Variants in GABRB1 observed in about 807,000 individuals in gnomAD.
GABRB1 encodes gamma-aminobutyric acid receptor subunit beta-1.
A neutral mutation model predicts 51.6 loss-of-function variants in GABRB1; 17 were observed. The observed-to-expected ratio is 0.33, with a 90% CI of 0.23 to 0.49. GABRB1 has a LOEUF of 0.49. Ranked by LOEUF, GABRB1 falls within the 20% of genes least tolerant of loss-of-function variation. The pLI, the probability that GABRB1 is intolerant of heterozygous loss-of-function variation, is 0.99. For missense variants in GABRB1, 410 were observed against 600.6 expected, an observed-to-expected ratio of 0.68 and a Z score of 3.32; for synonymous variants, 247 against 218.9, an observed-to-expected ratio of 1.13 and a Z score of -1.14.
intron 3 of GABRB1, among the ~76,000 whole-genome samples, chr4:47,040,278 T>C (rs1187076449): frequency 6.6e-6 from 1 of 152,152 alleles, no homozygotes; most frequent in Non-Finnish European, 1.5e-5. Context: ...CTTGCAGCTA[T>C]GTGGAGGATG....
chr4:47,309,578 A>G (rs756301882), intron 4 of GABRB1, among the ~76,000 whole-genome samples: 3 of 152,116 alleles, frequency 2.0e-5, no homozygotes, highest in Non-Finnish European at 4.4e-5. Context: ...AGAACATTTA[A>G]TGATATCTCC....
At chr4:47,024,933 C>CATATATATATATATATATATATATATAT (rs34532575) in intron 1 of GABRB1, among the ~76,000 whole-genome samples, 3,266 of 84,996 alleles carry the variant, frequency 0.038, 195 homozygotes, top group African/African-American at 0.043. Context: ...AGTATTCCAT[C>CATATATATATATATATATATATATATAT]ATATATATAT....
chr4:47,117,155 A>G (rs1715530903), intron 3 of GABRB1, among the ~76,000 whole-genome samples: 1 of 152,176 alleles, frequency 6.6e-6, no homozygotes. Flanking sequence ...TACCACTTTT[A>G]TGTATAATAA....
intron 3 of GABRB1, among the ~76,000 whole-genome samples, chr4:47,127,799 C>T (rs2109665669): frequency 6.6e-6 from 1 of 151,858 alleles, no homozygotes; most frequent in South Asian, 2.1e-4. Flanking sequence ...AGTAATGCCT[C>T]CTACTGTGAT....
chr4:47,075,189 A>T (rs1196644724), intron 3 of GABRB1, among the ~76,000 whole-genome samples: 1 of 148,936 alleles, frequency 6.7e-6, no homozygotes, highest in Non-Finnish European at 1.5e-5. Context: ...GCATTGTGTG[A>T]TTTTTTTTTT....
intron 4 of GABRB1, among the ~76,000 whole-genome samples, chr4:47,206,321 A>T (rs1008666798): frequency 6.6e-6 from 1 of 152,052 alleles, no homozygotes; most frequent in Non-Finnish European, 1.5e-5. Flanking sequence ...CTAGGAAGGA[A>T]TGCCAAGGGT....
At chr4:47,195,337 A>G (rs1033298270) in intron 4 of GABRB1, among the ~76,000 whole-genome samples, 2 of 151,966 alleles carry the variant, frequency 1.3e-5, no homozygotes, top group African/African-American at 4.8e-5. Context: ...ACTGCACTCC[A>G]GCCTGGGCAC....
chr4:47,131,068 A>G (rs950029307), intron 3 of GABRB1, among the ~76,000 whole-genome samples: 1 of 152,210 alleles, frequency 6.6e-6, no homozygotes, highest in African/African-American at 2.4e-5. Flanking sequence ...GTGTGCTTAC[A>G]TTCACAAAAA....
At chr4:47,006,755 T>C (rs562868985) in intron 1 of GABRB1, among the ~76,000 whole-genome samples, 2 of 152,302 alleles carry the variant, frequency 1.3e-5, no homozygotes, top group East Asian at 1.9e-4. Context: ...GTGAGACAAA[T>C]AGACAAATAT....
chr4:47,077,940 T>G, intron 3 of GABRB1, among the ~76,000 whole-genome samples: 1 of 112,060 alleles, frequency 8.9e-6, no homozygotes, highest in South Asian at 2.8e-4. Context: ...ATTATATATT[T>G]TATATATATT....
intron 4 of GABRB1, among the ~76,000 whole-genome samples, chr4:47,221,414 T>C (rs1472484975): frequency 6.6e-6 from 1 of 152,030 alleles, no homozygotes; most frequent in African/African-American, 2.4e-5. Context: ...ACTTAATCAA[T>C]ATTTATCAAA....
At chr4:47,118,716 A>G (rs1715614620) in intron 3 of GABRB1, among the ~76,000 whole-genome samples, 1 of 152,166 alleles carries the variant, frequency 6.6e-6, no homozygotes, top group African/African-American at 2.4e-5. Flanking sequence ...ACATCCTAAT[A>G]TATACATACA....
At chr4:47,246,965 CTG>C (rs1021728382) in intron 4 of GABRB1, among the ~76,000 whole-genome samples, 1 of 152,066 alleles carries the variant, frequency 6.6e-6, no homozygotes, top group Non-Finnish European at 1.5e-5. Context: ...TTCTCCCACT[CTG>C]TAGGCTGTCT....
At chr4:47,185,918 C>G (rs1291515224) in intron 4 of GABRB1, among the ~76,000 whole-genome samples, 2 of 151,844 alleles carry the variant, frequency 1.3e-5, no homozygotes, top group South Asian at 2.1e-4. Flanking sequence ...GATTGCTGCT[C>G]TCTTTGGAAC....
intron 5 of GABRB1, among the ~76,000 whole-genome samples, chr4:47,342,992 C>T (rs183458394): frequency 6.8e-4 from 104 of 152,200 alleles, no homozygotes; most frequent in African/African-American, 2.4e-3. Flanking sequence ...TTCCATCACG[C>T]TGGCTGATGG....
intron 4 of GABRB1, among the ~76,000 whole-genome samples, chr4:47,195,837 T>C (rs1719662881): frequency 6.6e-6 from 1 of 152,240 alleles, no homozygotes; most frequent in South Asian, 2.1e-4. Flanking sequence ...AATTGAGTCT[T>C]AAACACTTTA....
intron 3 of GABRB1, among the ~76,000 whole-genome samples, chr4:47,082,646 AC>A (rs578246801): frequency 1.1e-3 from 160 of 151,970 alleles, no homozygotes; most frequent in Non-Finnish European, 1.9e-3. Flanking sequence ...AATCTCCCAA[AC>A]CTTGGAATGT....
intron 3 of GABRB1, among the ~76,000 whole-genome samples, chr4:47,061,228 T>C (rs1017387726): frequency 2.6e-5 from 4 of 151,948 alleles, no homozygotes; most frequent in Non-Finnish European, 4.4e-5. Flanking sequence ...GACTTTTTTC[T>C]TTTTTTTCCC....
At chr4:47,343,129 T>A (rs1725964742) in intron 5 of GABRB1, among the ~76,000 whole-genome samples, 1 of 151,178 alleles carries the variant, frequency 6.6e-6, no homozygotes, top group Admixed American at 6.6e-5. Context: ...ATGGTTAAAG[T>A]CACCCTCACT....
Sources: allele counts gnomAD v4.1 joint callset (sites outside exome capture counted in the v4.1 genomes callset), GRCh38; gene constraint gnomAD v4.1.1; transcripts MANE v1.5; gene names NCBI Gene and HGNC (gene_info 2026-07-23, HGNC 2026-07-21).